ABCA9: variants seen among roughly 807,000 people sequenced by gnomAD.
The protein encoded by ABCA9 is ATP-binding cassette sub-family A member 9.
ABCA9 carries 183 observed loss-of-function variants against 205.3 expected under a neutral mutation model. The ratio of observed to expected loss-of-function variants is 0.89; its 90% CI spans 0.79 to 1.01. The LOEUF is 1.01. Among genes scored for constraint, ABCA9 ranks in the 50% least tolerant of loss-of-function variants. The probability of loss-of-function intolerance (pLI) is 0.00; values close to 1 mark genes in which losing one functional copy is unlikely to be tolerated. For missense variants in ABCA9, 1,805 were observed against 1,912.4 expected (o/e 0.94, Z 1.05); for synonymous variants, 651 against 683.3 (o/e 0.95, Z 0.74).
intron 32 of ABCA9, 82 bp from the exon 33 acceptor site, chr17:68,985,210 C>T (rs751669932): frequency 1.1e-4 from 172 of 1,583,406 alleles, no homozygotes; most frequent in African/African-American, 1.8e-4. Context: ...AGAAACACGA[C>T]GGTGGGGGAG....
chr17:69,002,075 G>C (rs1427001611), intron 25 of ABCA9, among the ~76,000 whole-genome samples: 3 of 151,130 alleles, frequency 2.0e-5, no homozygotes, highest in African/African-American at 4.9e-5. Context: ...CCAGCTCCTG[G>C]ATTCATTAAT....
Position 69,060,854 on chromosome 17 carries a change from A to G in ABCA9, c.-14+12T>C, listed in dbSNP as rs1196793673. ...ATATGCAAAATAACCACAATTTTAGAGGTTAACTTACTCTCAGGAAAGCTG... is the reference window on the plus strand; with the variant it reads ...ATATGCAAAATAACCACAATTTTAGGGGTTAACTTACTCTCAGGAAAGCTG... On this transcript the variant is annotated intron_variant, in intron 1 of 38. Coordinates refer to ENST00000340001, the MANE Select transcript of ABCA9 (RefSeq NM_080283.4). The G allele has an allele frequency of 1.0e-6, 1 of 984,906 alleles. No individual in the cohort carries two copies. The highest frequency in any genetic ancestry group is 6.1e-5 in the Admixed American group (1 of 16,262). 61.0% of individuals were successfully genotyped at this position (984,906 alleles called of 1,614,324 possible).
intron 25 of ABCA9, among the ~76,000 whole-genome samples, chr17:68,998,820 G>A (rs1370963250): frequency 6.7e-6 from 1 of 149,834 alleles, no homozygotes; most frequent in Non-Finnish European, 1.5e-5. Flanking sequence ...TGTTTATGTG[G>A]ATCTAAAATT....
In ABCA9 at chr17:69,026,895, C is replaced by G. The variant is rs1345636032; in HGVS notation, c.2050+81G>C. ...TTGGGCCATGGCAGTTCCAGGGAGACACAGCTGTGGAGCATACCTGTTCAT... is the reference window on the plus strand; with the variant it reads ...TTGGGCCATGGCAGTTCCAGGGAGAGACAGCTGTGGAGCATACCTGTTCAT... On this transcript the variant is annotated intron_variant, in intron 15 of 38. Coordinates refer to ENST00000340001, the MANE Select transcript of ABCA9 (RefSeq NM_080283.4). 4.6e-6 allele frequency: 7 copies of G among 1,506,232 alleles called. No homozygotes were observed. In the Admixed American group the frequency reaches 7.8e-5, roughly 17 times the overall value. The allele number at this position is 1,506,232 out of a possible 1,614,324, so 93.3% of individuals were successfully genotyped here. A position where few individuals can be genotyped will look rare whatever the true frequency, so the allele number is the denominator to read the frequency against.
the ABCA9 span, among the ~76,000 whole-genome samples, chr17:69,066,130 G>A: frequency 6.6e-6 from 1 of 152,136 alleles, no homozygotes; most frequent in Non-Finnish European, 1.5e-5. Context: ...TTGCATATGG[G>A]TTCCATGCCC....
At chr17:69,021,680 C>G in intron 18 of ABCA9, 62 bp downstream of exon 18, 370 of 869,084 alleles carry the variant, frequency 4.3e-4, no homozygotes, top group Non-Finnish European at 5.6e-4. Context: ...TTTCTTTCGT[C>G]CTTCCTTCCT....
At chr17:69,014,716 G>A (rs34301885) in intron 22 of ABCA9, among the ~76,000 whole-genome samples, 3,838 of 152,188 alleles carry the variant, frequency 0.025, 76 homozygotes, top group Non-Finnish European at 0.037. Context: ...CTTTCAGGCA[G>A]CATGCAAGAA....
intron 2 of ABCA9, among the ~76,000 whole-genome samples, 168 bp downstream of exon 2, chr17:69,050,863 A>C (rs953647241): frequency 3.3e-5 from 5 of 151,534 alleles, no homozygotes; most frequent in African/African-American, 1.2e-4. Context: ...TGAAAAAATA[A>C]ATTTTACCTG....
chr17:69,024,639 T>C (rs544230462), intron 16 of ABCA9, among the ~76,000 whole-genome samples: 2 of 152,222 alleles, frequency 1.3e-5, no homozygotes, highest in African/African-American at 4.8e-5. Flanking sequence ...TGGGGTGAGG[T>C]AAAGGGAAAT....
At chr17:69,021,697 CT>C in intron 18 of ABCA9, 44 bp downstream of exon 18, 3 of 1,262,766 alleles carry the variant, frequency 2.4e-6, no homozygotes, top group African/African-American at 3.0e-5. Context: ...TCCTTCCTTC[CT>C]TTCTTTCTTT....
In ABCA9 at chr17:69,032,215, G is replaced by A. The variant is rs150262693; in HGVS notation, c.1338C>T (p.His446=). 30 of 1,613,876 alleles carry A rather than the reference G, an allele frequency of 1.9e-5. No homozygotes were observed. The highest frequency in any genetic ancestry group is 5.3e-5 in the African/African-American group (4 of 74,910). The part of the protein sequence containing the change: ...FFLKSCFWFQ[H]GRANHVVLEN... Reference sequence around the variant, plus strand: ...CAAGGACCACATGATTAGCCCTTCCGTGTTGAAACCAAAAACAGGATTTCA... The same window carrying A: ...CAAGGACCACATGATTAGCCCTTCCATGTTGAAACCAAAAACAGGATTTCA... The change falls in exon 10 of 39, where the codon CAC becomes CAT. Residue 446 remains histidine, a synonymous_variant. Transcript: ENST00000340001.
In ABCA9 at chr17:68,990,956, T is replaced by C. The variant is rs2144031165; in HGVS notation, c.3718A>G (p.Ile1240Val). The C allele has an allele frequency of 2.5e-6, 4 of 1,607,592 alleles. No homozygotes were observed. Among genetic ancestry groups the C allele is most frequent in the Middle Eastern group, 1.7e-4 (1 of 6,046 alleles). Residue 1240 changes from isoleucine (I) to valine (V), a missense_variant and splice_region_variant, in exon 29 of 39, where the codon ATT becomes GTT. Ile to Val is a conservative substitution (Grantham distance 29). Transcript: ENST00000340001. The part of the protein sequence containing the change: ...KLMRKDPVFR[I>V]SPRSNAIFPN... The stretch of plus-strand genomic sequence containing the variant: ...AAAATAGCGTTGCTTCTTGGAGAAA[T>C]TCTGAAATCAAAACAGTGTGATAAT...
chr17:69,054,541 G>A (rs1393484145), intron 1 of ABCA9, among the ~76,000 whole-genome samples: 4 of 146,552 alleles, frequency 2.7e-5, no homozygotes, highest in Non-Finnish European at 3.0e-5. Flanking sequence ...AAAAAAAAAA[G>A]AAAAGAAAAG....
the ABCA9 span, among the ~76,000 whole-genome samples, chr17:69,078,045 ATGT>A: frequency 6.6e-6 from 1 of 152,086 alleles, no homozygotes; most frequent in African/African-American, 2.4e-5. Context: ...CAATAAGTTA[ATGT>A]TGTTAAGAGT....
At chr17:68,979,423 G>GA (rs1261555220) in intron 37 of ABCA9, among the ~76,000 whole-genome samples, 1 of 151,782 alleles carries the variant, frequency 6.6e-6, no homozygotes. Context: ...CACAGAATTA[G>GA]AAAAAACTAC....
chr17:69,026,890 G>T (rs2071006499), intron 15 of ABCA9, 86 bp downstream of exon 15: 3 of 1,493,174 alleles, frequency 2.0e-6, no homozygotes, highest in Non-Finnish European at 2.7e-6. Context: ...GCAGTTCCAG[G>T]GAGACACAGC....
chr17:68,976,138 C>T lies in ABCA9; in HGVS notation c.4773G>A (p.Glu1591=), dbSNP rs148428186. ...AGAATCACTAAAAATGACCCACCTGCTCCAGGGTAGACTGTGAGAGGCTGT... is the reference window on the plus strand; with the variant it reads ...AGAATCACTAAAAATGACCCACCTGTTCCAGGGTAGACTGTGAGAGGCTGT... ...EEYSLSQSTL[E]QVFLELSKEQ... Residue 1591 remains glutamate (E), a synonymous_variant, in exon 38 of 39, where the codon GAG becomes GAA. Coordinates refer to ENST00000340001, the MANE Select transcript of ABCA9 (RefSeq NM_080283.4). 4.2e-5 allele frequency: 68 copies of T among 1,613,872 alleles called. No individual in the cohort carries two copies. The African/African-American group carries it at 7.7e-4, about 18-fold the overall frequency.
chr17:68,987,055 T>C (rs2143993168), intron 31 of ABCA9, among the ~76,000 whole-genome samples: 1 of 152,380 alleles, frequency 6.6e-6, no homozygotes, highest in Non-Finnish European at 1.5e-5. Flanking sequence ...GTGTCCTCAG[T>C]GCTTCCTATG....
chr17:69,071,092 C>T, the ABCA9 span, among the ~76,000 whole-genome samples: 1 of 152,232 alleles, frequency 6.6e-6, no homozygotes, highest in African/African-American at 2.4e-5. Context: ...CAGCCCCAAT[C>T]AGGGGCTTAT....
Sources: gnomAD v4.1 joint callset for allele counts (sites outside exome capture counted in the v4.1 genomes callset) on GRCh38, gnomAD v4.1.1 for gene constraint, MANE v1.5 for transcripts, NCBI Gene and HGNC (gene_info 2026-07-23, HGNC 2026-07-21) for gene names.